Variants in MRNIP observed in about 807,000 individuals in gnomAD.
MRNIP encodes the protein MRN complex interacting protein, also known as MRN complex-interacting protein.
MRNIP carries 30 observed loss-of-function variants against 29.8 expected under a neutral mutation model. The observed-to-expected ratio is 1.01, with a 90% CI of 0.75 to 1.36. The LOEUF (loss-of-function observed/expected upper bound fraction) is 1.36. Among genes scored for constraint, MRNIP ranks in the 40% most tolerant of loss-of-function variants. The pLI, the probability that MRNIP is intolerant of heterozygous loss-of-function variation, is 0.00. For synonymous variants in MRNIP, 201 were observed against 164.1 expected, an observed-to-expected ratio of 1.23 and a Z score of -1.72; for missense variants, 459 against 423.5, an observed-to-expected ratio of 1.08 and a Z score of -0.74.
chr5:179,849,177 T>C (rs1412763094), intron 2 of MRNIP, among the ~76,000 whole-genome samples: 1 of 142,696 alleles, frequency 7.0e-6, no homozygotes, highest in African/African-American at 2.7e-5. Context: ...CGGGTCCTGC[T>C]ATGGCACAGG....
intron 4 of MRNIP, among the ~76,000 whole-genome samples, chr5:179,843,045 G>GGAAGGAAGGAAGGAAA (rs1554093106): frequency 1.6e-4 from 18 of 109,822 alleles, no homozygotes; most frequent in South Asian, 6.2e-4. Flanking sequence ...GAGGAAAGAA[G>GGAAGGAAGGAAGGAAA]GAAGGAAGGA....
intron 2 of MRNIP, chr5:179,851,162 G>C (rs1473824909): frequency 2.2e-6 from 1 of 452,160 alleles, no homozygotes; most frequent in Non-Finnish European, 4.4e-6. Flanking sequence ...ATTGAGGGGA[G>C]TAAGAAGGCT....
intron 1 of MRNIP, among the ~76,000 whole-genome samples, chr5:179,853,828 T>G (rs1179940362): frequency 6.6e-6 from 1 of 152,098 alleles, no homozygotes. Context: ...ATTTTTTTTT[T>G]TTAAATCCCA....
chr5:179,858,455 A>G (rs1261507339), intron 1 of MRNIP, among the ~76,000 whole-genome samples: 2 of 152,190 alleles, frequency 1.3e-5, no homozygotes, highest in Admixed American at 6.5e-5. Flanking sequence ...GGCTCTGCGT[A>G]AAGGATGCTA....
intron 5 of MRNIP, chr5:179,841,677 G>T: frequency 3.4e-6 from 2 of 582,730 alleles, no homozygotes; most frequent in Non-Finnish European, 6.1e-6. Context: ...GCATCATAAA[G>T]GGTGTGCACA....
At chr5:179,848,138 G>T in intron 2 of MRNIP, 72 bp from the exon 3 acceptor site, 1 of 1,140,486 alleles carries the variant, frequency 8.8e-7, no homozygotes, top group Non-Finnish European at 1.3e-6. Context: ...CATTTGAGAT[G>T]CACCTCAGGG....
chr5:179,839,434 C>G (rs1758769933), intron 6 of MRNIP: 1 of 152,210 alleles, frequency 6.6e-6, no homozygotes, highest in Non-Finnish European at 1.5e-5. Context: ...AAACTGCAAG[C>G]CTCAGTTCCT....
chr5:179,843,503 C>G (rs902895047), intron 4 of MRNIP, among the ~76,000 whole-genome samples: 1 of 152,070 alleles, frequency 6.6e-6, no homozygotes, highest in Non-Finnish European at 1.5e-5. Context: ...ACTTTGGGAG[C>G]TGAGGTGGGA....
Position 179,837,577 on chromosome 5 carries a change from A to G in MRNIP, c.846T>C (p.Ala282=). 1.9e-6 allele frequency: 3 copies of G among 1,614,222 alleles called. No homozygotes were observed. Among genetic ancestry groups the G allele is most frequent in the South Asian group, 2.2e-5 (2 of 91,086 alleles). Residue 282 remains alanine, a synonymous_variant, in exon 7 of 7, where the codon GCT becomes GCC. Coordinates refer to ENST00000292586, the MANE Select transcript of MRNIP (RefSeq NM_016175.4). ...GGTGTGTGGCCCGAGGAAGCTGGAC[A>G]GCGGCAGTGGGCCTGCTGAGGCCTT... is the stretch of plus-strand genomic sequence containing the variant. ...SREGLSRPTA[A]VQLPRATHPV... is the part of the protein sequence containing the mutation.
chr5:179,846,454 T>C (rs1432023972), intron 3 of MRNIP, among the ~76,000 whole-genome samples: 1 of 152,078 alleles, frequency 6.6e-6, no homozygotes, highest in Non-Finnish European at 1.5e-5. Flanking sequence ...CAGCTGATTT[T>C]GTATTTTTAG....
At chr5:179,842,999 C>T (rs1008868574) in intron 4 of MRNIP, among the ~76,000 whole-genome samples, 7 of 137,980 alleles carry the variant, frequency 5.1e-5, no homozygotes, top group Non-Finnish European at 9.2e-5. Flanking sequence ...CGCCACTGCA[C>T]TCCGGCTGGG....
At chr5:179,843,922 CAGAGG>C (rs1759017359) in intron 4 of MRNIP, among the ~76,000 whole-genome samples, 1 of 152,114 alleles carries the variant, frequency 6.6e-6, no homozygotes, top group African/African-American at 2.4e-5. Flanking sequence ...TCCAAGCAGA[CAGAGG>C]AGAGAGTCCT....
rs1237823103 is a variant in MRNIP at position 179,840,951 on chromosome 5, C to T, written c.458G>A (p.Ser153Asn). 1.9e-6 allele frequency: 3 copies of T among 1,602,884 alleles called. No homozygotes were observed. The African/African-American group carries it at 4.0e-5, about 21-fold the overall frequency. ...SQDLPRKRKW[S>N]RSTVQPPCSR... The stretch of plus-strand genomic sequence containing the variant: ...GCACGGAGGCTGGACGGTGCTCCTG[C>T]TCCACTTCCTGTCAGGACAGGACCG... Residue 153 changes from serine to asparagine, a missense_variant, in exon 6 of 7, where the codon AGC becomes AAC. By Grantham distance (46) the Ser-to-Asn change is conservative. Transcript: ENST00000292586.
intron 2 of MRNIP, chr5:179,851,296 G>A (rs1260393238): frequency 4.4e-6 from 2 of 456,106 alleles, no homozygotes; most frequent in Admixed American, 2.3e-5. Flanking sequence ...CTGGACCAGA[G>A]GTGGGCATCC....
At chr5:179,841,826 C>T in intron 5 of MRNIP, 81 bp downstream of exon 5, 1 of 1,454,210 alleles carries the variant, frequency 6.9e-7, no homozygotes, top group Non-Finnish European at 9.4e-7. Context: ...TTGGCTGACG[C>T]TCACAGTGGC....
At chr5:179,852,227 A>G (rs528191918) in intron 2 of MRNIP, among the ~76,000 whole-genome samples, 2 of 151,498 alleles carry the variant, frequency 1.3e-5, no homozygotes, top group Admixed American at 1.3e-4. Flanking sequence ...CGAAGGTTGC[A>G]GTGAGCCGAG....
intron 2 of MRNIP, among the ~76,000 whole-genome samples, chr5:179,852,822 G>A (rs1759425271): frequency 6.6e-6 from 1 of 152,166 alleles, no homozygotes; most frequent in Non-Finnish European, 1.5e-5. Flanking sequence ...GGGGCAATAC[G>A]GATGGACTGA....
Position 179,839,313 on chromosome 5 carries a change from G to A in MRNIP, c.538-1428C>T, listed in dbSNP as rs187383668. The A allele has an allele frequency of 2.0e-5, 3 of 151,428 alleles. No homozygotes were observed. In the East Asian group the frequency reaches 5.8e-4, roughly 29 times the overall value. The allele number at this position is 151,428 out of a possible 1,614,324, so 9.4% of individuals were successfully genotyped here. A position where few individuals can be genotyped will look rare whatever the true frequency, so the allele number is the denominator to read the frequency against. On this transcript the variant is annotated intron_variant, in intron 6 of 6. Coordinates refer to ENST00000292586, the MANE Select transcript of MRNIP (RefSeq NM_016175.4). ...TTACAAAGGGAAAAGCAATGTGAAAGCAGCGATAGAGTGGGTCCCTGCAGC... is the reference window on the plus strand; with the variant it reads ...TTACAAAGGGAAAAGCAATGTGAAAACAGCGATAGAGTGGGTCCCTGCAGC...
At chr5:179,844,653 T>C (rs1452676469) in intron 3 of MRNIP, among the ~76,000 whole-genome samples, 1 of 152,122 alleles carries the variant, frequency 6.6e-6, no homozygotes, top group Non-Finnish European at 1.5e-5. Flanking sequence ...CTCAAATTCC[T>C]GGGCTCAAGT....
Sources: allele counts gnomAD v4.1 joint callset (sites outside exome capture counted in the v4.1 genomes callset), GRCh38; gene constraint gnomAD v4.1.1; transcripts MANE v1.5; gene names NCBI Gene and HGNC (gene_info 2026-07-23, HGNC 2026-07-21).